SNX4: variants seen among roughly 807,000 people sequenced by gnomAD.
The protein encoded by SNX4 is sorting nexin-4.
SNX4 carries 49 observed loss-of-function variants against 70.8 expected under a neutral mutation model. The ratio of observed to expected loss-of-function variants is 0.69; its 90% CI spans 0.55 to 0.88. The LOEUF (loss-of-function observed/expected upper bound fraction) is 0.88. Ranked by LOEUF, SNX4 falls within the 40% of genes least tolerant of loss-of-function variation. The pLI, the probability that SNX4 is intolerant of heterozygous loss-of-function variation, is 0.00. For synonymous variants in SNX4, 206 were observed against 183.8 expected (o/e 1.12, Z -0.98); for missense variants, 528 against 544.8 (o/e 0.97, Z 0.31).
At chr3:125,465,314 C>T (rs958285036) in intron 9 of SNX4, among the ~76,000 whole-genome samples, 3 of 151,254 alleles carry the variant, frequency 2.0e-5, no homozygotes, top group East Asian at 2.0e-4. Context: ...GGTGCAATCT[C>T]GATTCACTGT....
At chr3:125,477,981 T>C (rs1026486245) in intron 7 of SNX4, among the ~76,000 whole-genome samples, 14 of 152,106 alleles carry the variant, frequency 9.2e-5, no homozygotes, top group African/African-American at 3.4e-4. Flanking sequence ...TACTCCTACT[T>C]GAAACTCTTA....
At chr3:125,506,769 AATC>A (rs1285604372) in intron 1 of SNX4, among the ~76,000 whole-genome samples, 1 of 138,546 alleles carries the variant, frequency 7.2e-6, no homozygotes. Flanking sequence ...ACTTTAAAGT[AATC>A]ATCTTATAGA....
At chr3:125,456,230 T>C (rs75061947) in intron 11 of SNX4, among the ~76,000 whole-genome samples, 2,193 of 152,202 alleles carry the variant, frequency 0.014, 21 homozygotes, top group Middle Eastern at 0.065. Flanking sequence ...ATAAAGTACA[T>C]CAAAAGCTCC....
At chr3:125,497,170 C>T (rs561808677) in intron 5 of SNX4, among the ~76,000 whole-genome samples, 171 bp downstream of exon 5, 3 of 151,394 alleles carry the variant, frequency 2.0e-5, no homozygotes, top group Non-Finnish European at 4.4e-5. Flanking sequence ...ACTAAAATTA[C>T]ACAAATCAAA....
chr3:125,486,145 A>T (rs527571038), intron 6 of SNX4, among the ~76,000 whole-genome samples: 2 of 152,274 alleles, frequency 1.3e-5, no homozygotes, highest in South Asian at 4.1e-4. Flanking sequence ...GGCCTCTGTA[A>T]GCATTCTTAA....
intron 12 of SNX4, among the ~76,000 whole-genome samples, chr3:125,452,441 A>G (rs1933599310): frequency 1.3e-5 from 2 of 152,048 alleles, no homozygotes; most frequent in South Asian, 4.1e-4. Flanking sequence ...AAACTTTTTT[A>G]GCCAGGCTTG....
At chr3:125,500,799 CAAAAAAAAAAAAA>C (rs770336677) in intron 2 of SNX4, among the ~76,000 whole-genome samples, 21 of 29,304 alleles carry the variant, frequency 7.2e-4, no homozygotes, top group African/African-American at 1.9e-3. Flanking sequence ...GACTCCGTCT[CAAAAAAAAAAAAA>C]AAAAAAAAAA....
intron 6 of SNX4, among the ~76,000 whole-genome samples, chr3:125,488,336 GT>G (rs1559819052): frequency 6.6e-6 from 1 of 151,882 alleles, no homozygotes; most frequent in Non-Finnish European, 1.5e-5. Flanking sequence ...TTAACTGGGC[GT>G]TGTAGGGGGT....
intron 9 of SNX4, among the ~76,000 whole-genome samples, chr3:125,468,226 G>A (rs1344959922): frequency 6.6e-6 from 1 of 152,170 alleles, no homozygotes; most frequent in Non-Finnish European, 1.5e-5. Flanking sequence ...GAGAACAACA[G>A]AAATCAATGC....
At chr3:125,519,298 C>T (rs978437579) in intron 1 of SNX4, among the ~76,000 whole-genome samples, 1 of 152,102 alleles carries the variant, frequency 6.6e-6, no homozygotes, top group Admixed American at 6.5e-5. Flanking sequence ...TAAGATGATA[C>T]ATTTTTCCCC....
intron 6 of SNX4, among the ~76,000 whole-genome samples, chr3:125,488,231 T>C (rs929518481): frequency 6.8e-6 from 1 of 146,708 alleles, no homozygotes; most frequent in Non-Finnish European, 1.5e-5. Context: ...ATCCCAGAAC[T>C]TTGGGAGGCC....
At chr3:125,506,798 A>G (rs1178331894) in intron 1 of SNX4, among the ~76,000 whole-genome samples, 1 of 142,592 alleles carries the variant, frequency 7.0e-6, no homozygotes, top group Non-Finnish European at 1.5e-5. Context: ...AGAGAACTTA[A>G]AGAAAGATGT....
intron 13 of SNX4, among the ~76,000 whole-genome samples, chr3:125,448,804 T>C (rs1933496984): frequency 6.6e-6 from 1 of 150,798 alleles, no homozygotes; most frequent in Non-Finnish European, 1.5e-5. Flanking sequence ...GCCTCCCAAG[T>C]AGCTGGGACT....
chr3:125,495,327 TTGTA>T (rs1934770882), intron 5 of SNX4, among the ~76,000 whole-genome samples: 1 of 142,796 alleles, frequency 7.0e-6, no homozygotes, highest in East Asian at 2.1e-4. Context: ...TTGTGGACAT[TTGTA>T]TGATGTACAC....
chr3:125,478,487 T>C (rs1263323130), intron 7 of SNX4, among the ~76,000 whole-genome samples: 3 of 151,542 alleles, frequency 2.0e-5, no homozygotes, highest in Non-Finnish European at 2.9e-5. Flanking sequence ...AATTTAACAG[T>C]TTTTTTTCTG....
chr3:125,489,292 T>C, intron 6 of SNX4, 116 bp downstream of exon 6: 1 of 760,494 alleles, frequency 1.3e-6, no homozygotes, highest in South Asian at 1.8e-5. Flanking sequence ...TTTCACTAAA[T>C]GTGAATATGT....
At chr3:125,474,227 T>C (rs1434325377) in intron 8 of SNX4, among the ~76,000 whole-genome samples, 2 of 151,894 alleles carry the variant, frequency 1.3e-5, no homozygotes, top group African/African-American at 4.8e-5. Flanking sequence ...CACTGGCAAC[T>C]GCTGTAGTTC....
intron 6 of SNX4, among the ~76,000 whole-genome samples, chr3:125,487,813 T>G: frequency 6.7e-6 from 1 of 148,682 alleles, no homozygotes. Context: ...TTCCCAGGGG[T>G]TGAGGGAGGA....
chr3:125,495,698 C>T (rs367985036), intron 5 of SNX4, among the ~76,000 whole-genome samples: 34 of 151,920 alleles, frequency 2.2e-4, no homozygotes, highest in Non-Finnish European at 4.7e-4. Context: ...ACTAAAGTTA[C>T]GGCCAAAAAC....
Sources: allele counts gnomAD v4.1 joint callset (sites outside exome capture counted in the v4.1 genomes callset), GRCh38; gene constraint gnomAD v4.1.1; transcripts MANE v1.5; gene names NCBI Gene and HGNC (gene_info 2026-07-23, HGNC 2026-07-21).